GREB1L: variants seen among roughly 807,000 people sequenced by gnomAD.
GREB1L encodes GREB1-like protein.
A neutral mutation model predicts 200.8 loss-of-function variants in GREB1L; 17 were observed. The observed-to-expected ratio is 0.08, with a 90% CI of 0.06 to 0.13. The LOEUF is 0.13. Among genes scored for constraint, GREB1L ranks in the 10% least tolerant of loss-of-function variants. GREB1L has a pLI of 1.00. For missense variants in GREB1L, 1,657 were observed against 2,367.7 expected (o/e 0.70, Z 6.23); for synonymous variants, 789 against 893.0 (o/e 0.88, Z 2.08).
intron 15 of GREB1L, among the ~76,000 whole-genome samples, chr18:21,459,159 T>C (rs1398373868): frequency 1.3e-5 from 2 of 151,934 alleles, no homozygotes; most frequent in African/African-American, 4.8e-5. Flanking sequence ...TGTCTGCTGA[T>C]ATAGAGATTA....
At chr18:21,480,164 A>C (rs2035864134) in intron 17 of GREB1L, among the ~76,000 whole-genome samples, 1 of 152,188 alleles carries the variant, frequency 6.6e-6, no homozygotes, top group African/African-American at 2.4e-5. Context: ...CAACCTGGCC[A>C]ATGTGGTGAA....
chr18:21,435,938 G>A (rs2033508371), intron 7 of GREB1L, among the ~76,000 whole-genome samples: 1 of 152,032 alleles, frequency 6.6e-6, no homozygotes, highest in Non-Finnish European at 1.5e-5. Flanking sequence ...CAAATGATGA[G>A]GTCCTTGGCT....
intron 15 of GREB1L, among the ~76,000 whole-genome samples, chr18:21,470,815 T>C (rs759394610): frequency 3.9e-5 from 6 of 152,342 alleles, no homozygotes; most frequent in Middle Eastern, 6.8e-3. Context: ...GAATTATGGA[T>C]ACATTTTTAT....
chr18:21,463,294 C>A (rs534605506), intron 15 of GREB1L, among the ~76,000 whole-genome samples: 111 of 151,158 alleles, frequency 7.3e-4, no homozygotes, highest in Non-Finnish European at 1.4e-3. Flanking sequence ...CACAAGCGCC[C>A]GCCACCGCGC....
intron 19 of GREB1L, among the ~76,000 whole-genome samples, chr18:21,492,917 C>T (rs556143364): frequency 6.6e-6 from 1 of 152,292 alleles, no homozygotes; most frequent in Non-Finnish European, 1.5e-5. Context: ...CACCACTGCA[C>T]TCCAGCCTGT....
intron 17 of GREB1L, among the ~76,000 whole-genome samples, chr18:21,477,937 C>T (rs2016544): frequency 0.27 from 40,633 of 152,056 alleles, 6,710 homozygotes; most frequent in East Asian, 0.43. Context: ...ACAAAATTAT[C>T]TGTCGTATAT....
intron 4 of GREB1L, among the ~76,000 whole-genome samples, chr18:21,385,096 C>T (rs1024278194): frequency 2.0e-5 from 3 of 152,068 alleles, no homozygotes; most frequent in African/African-American, 7.2e-5. Context: ...TAATAGTTTA[C>T]TGTGCTATTT....
chr18:21,468,655 C>T (rs1345031175), intron 15 of GREB1L: 1 of 453,982 alleles, frequency 2.2e-6, no homozygotes, highest in African/African-American at 2.0e-5. Context: ...AGCAGGAACT[C>T]AGTGCCAGAA....
At chr18:21,462,894 G>A (rs1269120837) in intron 15 of GREB1L, among the ~76,000 whole-genome samples, 1 of 152,062 alleles carries the variant, frequency 6.6e-6, no homozygotes, top group Non-Finnish European at 1.5e-5. Context: ...ACAAATGGAG[G>A]AACCTAACTG....
At chr18:21,293,303 G>A (rs2038478792) in intron 1 of GREB1L, among the ~76,000 whole-genome samples, 1 of 152,122 alleles carries the variant, frequency 6.6e-6, no homozygotes, top group African/African-American at 2.4e-5. Context: ...GCAAGGTGAG[G>A]CAAATAAAAT....
intron 11 of GREB1L, among the ~76,000 whole-genome samples, chr18:21,446,041 T>C (rs1030051458): frequency 6.6e-6 from 1 of 152,136 alleles, no homozygotes; most frequent in Non-Finnish European, 1.5e-5. Flanking sequence ...TTTGTTTGTT[T>C]TGAGACCGAG....
chr18:21,316,181 AAC>A (rs145727069), intron 1 of GREB1L, among the ~76,000 whole-genome samples: 1 of 152,230 alleles, frequency 6.6e-6, no homozygotes, highest in East Asian at 1.9e-4. Flanking sequence ...GCTGCTTTAA[AAC>A]ACAGGGTCCA....
intron 13 of GREB1L, 93 bp downstream of exon 13, chr18:21,451,244 C>CA: frequency 2.3e-6 from 3 of 1,316,174 alleles, no homozygotes; most frequent in Non-Finnish European, 3.1e-6. Flanking sequence ...GTGTGGAGCT[C>CA]AAGCTTGCCA....
chr18:21,520,608 G>A, intron 31 of GREB1L, 80 bp from the exon 32 acceptor site: 8 of 1,411,860 alleles, frequency 5.7e-6, no homozygotes, highest in East Asian at 2.5e-5. Context: ...GAAAAAGGAA[G>A]GTACTGAGTC....
chr18:21,336,240 T>A (rs772582366), intron 1 of GREB1L, among the ~76,000 whole-genome samples: 2 of 152,208 alleles, frequency 1.3e-5, no homozygotes, highest in African/African-American at 2.4e-5. Context: ...GCAACCACCC[T>A]CTTCTTCCCT....
At chr18:21,483,143 AAGAG>A (rs1166126964) in intron 17 of GREB1L, among the ~76,000 whole-genome samples, 1 of 152,172 alleles carries the variant, frequency 6.6e-6, no homozygotes. Flanking sequence ...GCTAAGAAGA[AAGAG>A]AGAGAAATAA....
chr18:21,423,174 C>T (rs1332811463), intron 7 of GREB1L, among the ~76,000 whole-genome samples: 1 of 152,088 alleles, frequency 6.6e-6, no homozygotes, highest in Non-Finnish European at 1.5e-5. Context: ...TGTGATTTGC[C>T]CGCCTGAGCC....
Position 21,452,071 on chromosome 18 carries a change from A to G in GREB1L, c.1850-12A>G, listed in dbSNP as rs192308084. 4 of 1,551,288 alleles carry G rather than the reference A, an allele frequency of 2.6e-6. No individual in the cohort carries two copies. The highest frequency in any genetic ancestry group is 1.7e-6 in the Non-Finnish European group (2 of 1,146,760). On this transcript the variant is annotated splice_polypyrimidine_tract_variant and intron_variant, in intron 13 of 32. Coordinates refer to ENST00000424526, the MANE Select transcript of GREB1L (RefSeq NM_001142966.3). ...CCTTCCTTGTAACCTTCTTATCTCT[A>G]TTTTGTAATAGGCGATGACCTAGAC...
chr18:21,423,158 T>C (rs1288149117), intron 7 of GREB1L, among the ~76,000 whole-genome samples: 8 of 152,140 alleles, frequency 5.3e-5, no homozygotes, highest in Non-Finnish European at 1.2e-4. Context: ...CTCGAACTCC[T>C]GACCTTGTGA....
Sources: allele counts gnomAD v4.1 joint callset (sites outside exome capture counted in the v4.1 genomes callset), GRCh38; gene constraint gnomAD v4.1.1; transcripts MANE v1.5; gene names NCBI Gene and HGNC (gene_info 2026-07-23, HGNC 2026-07-21).